ABCA13: variants seen among roughly 807,000 people sequenced by gnomAD.
ABCA13 encodes the protein ATP binding cassette subfamily A member 13, also known as ATP-binding cassette sub-family A member 13.
Under a neutral mutation model 478.7 loss-of-function variants are expected in ABCA13, and 476 were observed. That is an observed-to-expected ratio of 0.99 (90% CI 0.92 to 1.07). ABCA13 has a LOEUF of 1.07. Ranked by LOEUF, ABCA13 falls within the 50% of genes least tolerant of loss-of-function variation. The pLI is 0.00. For missense variants in ABCA13, 6,060 were observed against 5,910.6 expected (o/e 1.03, Z -0.83); for synonymous variants, 2,252 against 2,158.9 (o/e 1.04, Z -1.20).
At chr7:48,228,316 C>T (rs1357014006) in intron 6 of ABCA13, among the ~76,000 whole-genome samples, 1 of 152,098 alleles carries the variant, frequency 6.6e-6, no homozygotes, top group Admixed American at 6.5e-5. Flanking sequence ...TCCACGGAGC[C>T]CACACACCCT....
In ABCA13 at chr7:48,328,556, A is replaced by C. The variant is rs139223740; in HGVS notation, c.10000-6866A>C. ...TGTACTTTTTCTGTGAGACTAGATAATATCCAAACCCTCAGATGAGCATAG... is the reference window on the plus strand; with the variant it reads ...TGTACTTTTTCTGTGAGACTAGATACTATCCAAACCCTCAGATGAGCATAG... On this transcript the variant is annotated intron_variant, in intron 27 of 61. Coordinates refer to ENST00000435803, the MANE Select transcript of ABCA13 (RefSeq NM_152701.5). 1.5e-3 allele frequency among the ~76,000 whole-genome samples: 222 copies of C among 152,272 alleles called. 1 individual carries two copies. Among genetic ancestry groups the C allele is most frequent in the African/African-American group, 5.2e-3 (214 of 41,552 alleles).
intron 35 of ABCA13, among the ~76,000 whole-genome samples, chr7:48,383,949 A>G (rs1814781000): frequency 6.6e-6 from 1 of 152,218 alleles, no homozygotes; most frequent in South Asian, 2.1e-4. Flanking sequence ...CCTTTCTCCT[A>G]CTTTGCAAGT....
rs1562588039 is a variant in ABCA13 at position 48,643,304 on chromosome 7, A to G, written c.14854A>G (p.Thr4952Ala). Residue 4952 changes from threonine (T) to alanine (A), a missense_variant, in exon 60 of 62, where the codon ACA becomes GCA. Physicochemically the swap from Thr to Ala is moderately conservative, Grantham distance 58 (BLOSUM62 0). Transcript: ENST00000435803. ...HIKNRFGDGY[T>A]VKVWLCKEAN... ...AACTCTCAGGTTTGGTGATGGTTAT[A>G]CAGTCAAAGTTTGGCTCTGTAAGGA... 1 of 1,610,648 alleles carries G rather than the reference A, an allele frequency of 6.2e-7. No individual in the cohort carries two copies. The highest frequency in any genetic ancestry group is 1.7e-5 in the Admixed American group (1 of 59,718).
intron 42 of ABCA13, among the ~76,000 whole-genome samples, chr7:48,451,599 T>C (rs1382557676): frequency 6.6e-6 from 1 of 152,222 alleles, no homozygotes; most frequent in African/African-American, 2.4e-5. Flanking sequence ...TTATTAACTG[T>C]ATATTCCTGA....
chr7:48,538,163 C>G (rs1192520335), intron 55 of ABCA13, among the ~76,000 whole-genome samples: 1 of 135,628 alleles, frequency 7.4e-6, no homozygotes, highest in Admixed American at 8.3e-5. Context: ...TGCAGTGGTG[C>G]GATCTCAGCT....
chr7:48,220,547 A>G (rs1311397750), intron 4 of ABCA13, among the ~76,000 whole-genome samples: 1 of 152,192 alleles, frequency 6.6e-6, no homozygotes, highest in Non-Finnish European at 1.5e-5. Context: ...TGGGCTTCCC[A>G]AGGCAGATGG....
In ABCA13 at chr7:48,350,842, T is replaced by C. The variant is rs185593317; in HGVS notation, c.10381+23T>C. The C allele has an allele frequency of 2.6e-5, 41 of 1,601,852 alleles. No homozygotes were observed. The Admixed American group carries it at 7.0e-4, about 27-fold the overall frequency. On this transcript the variant is annotated intron_variant, in intron 30 of 61. Coordinates refer to ENST00000435803, the MANE Select transcript of ABCA13 (RefSeq NM_152701.5). ...CCAGTAAGTACTCAATGAAAAAATA[T>C]GTTCGCCAAGATGCCAACTCCTGTA...
intron 22 of ABCA13, among the ~76,000 whole-genome samples, chr7:48,297,940 A>ATTTTTT (rs35586036): frequency 1.5e-5 from 2 of 131,276 alleles, no homozygotes; most frequent in Non-Finnish European, 3.3e-5. Context: ...ATGCCCGGCT[A>ATTTTTT]TTTTTTTTTT....
intron 46 of ABCA13, among the ~76,000 whole-genome samples, chr7:48,481,485 G>C (rs912181281): frequency 1.3e-5 from 2 of 152,146 alleles, no homozygotes; most frequent in East Asian, 3.9e-4. Flanking sequence ...TAAGTGCTGG[G>C]GGAAATCCTA....
intron 5 of ABCA13, among the ~76,000 whole-genome samples, chr7:48,223,446 G>A (rs930353631): frequency 3.3e-5 from 5 of 152,152 alleles, no homozygotes; most frequent in East Asian, 1.9e-4. Context: ...AGGCAAGGAG[G>A]AGGAAGGTGA....
intron 27 of ABCA13, 54 bp downstream of exon 27, chr7:48,317,350 G>A: frequency 1.3e-6 from 2 of 1,542,574 alleles, no homozygotes; most frequent in Non-Finnish European, 1.8e-6. Flanking sequence ...AAATCAGGAA[G>A]GAATCTTTAA....
chr7:48,518,109 T>C (rs1227446119), intron 52 of ABCA13, among the ~76,000 whole-genome samples: 1 of 152,228 alleles, frequency 6.6e-6, no homozygotes, highest in Non-Finnish European at 1.5e-5. Flanking sequence ...ACAGATTTAT[T>C]ATTGACACTG....
chr7:48,423,158 G>A (rs994965635), intron 41 of ABCA13, among the ~76,000 whole-genome samples: 3 of 152,216 alleles, frequency 2.0e-5, no homozygotes, highest in African/African-American at 7.2e-5. Context: ...GGACAGCCCT[G>A]CCCAAGATCC....
intron 47 of ABCA13, among the ~76,000 whole-genome samples, chr7:48,488,572 T>G (rs1201527574): frequency 6.6e-6 from 1 of 152,212 alleles, no homozygotes; most frequent in African/African-American, 2.4e-5. Context: ...AAGACCAAAA[T>G]GCATCAGTTG....
At chr7:48,329,352 C>G (rs984857778) in intron 27 of ABCA13, among the ~76,000 whole-genome samples, 2 of 152,100 alleles carry the variant, frequency 1.3e-5, no homozygotes, top group South Asian at 2.1e-4. Flanking sequence ...CCCAGGAAGT[C>G]TTTTAAGCTA....
At chr7:48,184,542 AGG>A (rs1420006582) in intron 1 of ABCA13, among the ~76,000 whole-genome samples, 1 of 152,174 alleles carries the variant, frequency 6.6e-6, no homozygotes, top group Non-Finnish European at 1.5e-5. Flanking sequence ...ACTTTTGGCC[AGG>A]TGTGATGGCT....
chr7:48,508,782 C>G (rs1199350265), intron 50 of ABCA13, among the ~76,000 whole-genome samples: 2 of 152,184 alleles, frequency 1.3e-5, no homozygotes, highest in African/African-American at 4.8e-5. Context: ...GAGCACCTTC[C>G]ATGCACTAGG....
intron 24 of ABCA13, among the ~76,000 whole-genome samples, chr7:48,311,669 ACAT>A (rs1321138358): frequency 6.6e-6 from 1 of 152,194 alleles, no homozygotes; most frequent in Non-Finnish European, 1.5e-5. Context: ...AATGAAAATG[ACAT>A]CATCATTAAT....
rs1202085052 is a variant in ABCA13, at chr7:48,279,152, G to C, written c.7958G>C (p.Arg2653Thr). The C allele has an allele frequency of 2.5e-6, 4 of 1,604,634 alleles. No individual in the cohort carries two copies. The highest frequency in any genetic ancestry group is 3.4e-6 in the Non-Finnish European group (4 of 1,175,874). Reference protein sequence around the residue: ...TSVKMNLEDMRSLAVAFNNET... With the variant: ...TSVKMNLEDMTSLAVAFNNET... ...GTGAAAATGAACTTGGAAGATATGA[G>C]GAGTCTTGCGGTAGCATTTAACAAT... The change falls in exon 18 of 62, where the codon AGG becomes ACG. Residue 2653 changes from arginine to threonine, a missense_variant. Arg to Thr is a moderately conservative substitution (Grantham distance 71). Coordinates refer to ENST00000435803, the MANE Select transcript of ABCA13 (RefSeq NM_152701.5).
Sources: gnomAD v4.1 joint callset for allele counts (sites outside exome capture counted in the v4.1 genomes callset) on GRCh38, gnomAD v4.1.1 for gene constraint, MANE v1.5 for transcripts, NCBI Gene and HGNC (gene_info 2026-07-23, HGNC 2026-07-21) for gene names.